Variants in TATDN3 observed in about 807,000 individuals in gnomAD.
The protein encoded by TATDN3 is TatD DNase domain containing 3.
In TATDN3, 29 loss-of-function variants were observed where a neutral mutation model predicts 40.1. The observed-to-expected ratio is 0.72, with a 90% CI of 0.54 to 0.99. TATDN3 has a LOEUF of 0.99. TATDN3 is among the 50% of genes least tolerant of loss of function. TATDN3 has a pLI of 0.00. For synonymous variants in TATDN3, 105 were observed against 117.0 expected, an observed-to-expected ratio of 0.90 and a Z score of 0.66; for missense variants, 309 against 321.9, an observed-to-expected ratio of 0.96 and a Z score of 0.31.
At chr1:212,806,726 TTC>T (rs1553257489) in intron 7 of TATDN3, among the ~76,000 whole-genome samples, 39 of 73,264 alleles carry the variant, frequency 5.3e-4, no homozygotes, top group Non-Finnish European at 8.8e-4. Flanking sequence ...TAAGAATTTA[TTC>T]TCTCTCTCTC....
intron 2 of TATDN3, among the ~76,000 whole-genome samples, chr1:212,795,885 C>T (rs75366521): frequency 0.023 from 3,465 of 152,212 alleles, 63 homozygotes; most frequent in South Asian, 0.041. Context: ...AGTAACTGGT[C>T]CAAAGACACA....
At chr1:212,814,592 T>C (rs541569058) in intron 9 of TATDN3, among the ~76,000 whole-genome samples, 1 of 152,342 alleles carries the variant, frequency 6.6e-6, no homozygotes, top group African/African-American at 2.4e-5. Context: ...ATAATCTATT[T>C]CATCTTTCCA....
intron 5 of TATDN3, among the ~76,000 whole-genome samples, chr1:212,803,544 A>G (rs1662289070): frequency 6.6e-6 from 1 of 152,116 alleles, no homozygotes; most frequent in Non-Finnish European, 1.5e-5. Flanking sequence ...GACAAAAGAT[A>G]AGAATAACAC....
At chr1:212,802,847 GATTATAA>G in intron 5 of TATDN3, 84 bp downstream of exon 5, 1 of 923,274 alleles carries the variant, frequency 1.1e-6, no homozygotes, top group Non-Finnish European at 1.7e-6. Flanking sequence ...CAGTATTGGT[GATTATAA>G]CTGACTTGTA....
At chr1:212,809,806 C>T (rs1012235513) in intron 8 of TATDN3, among the ~76,000 whole-genome samples, 5 of 152,096 alleles carry the variant, frequency 3.3e-5, no homozygotes, top group African/African-American at 9.7e-5. Context: ...GGCAGTTCAC[C>T]TGAGGTTAGG....
rs1662625204 is a variant in TATDN3 at position 212,807,720 on chromosome 1, CT to C, written c.488-13del. On this transcript the variant is annotated splice_polypyrimidine_tract_variant and intron_variant, in intron 7 of 9. Coordinates refer to ENST00000366974, the MANE Select transcript of TATDN3 (RefSeq NM_001042552.3). ...GACATAAAATGGAATACTGCCTTAT[CT>C]TTCATTTTTGAAAGGTGCTGAGAAG... 6.3e-7 allele frequency: 1 copy of C among 1,578,418 alleles called. No individual in the cohort carries two copies. The highest frequency in any genetic ancestry group is 1.4e-5 in the African/African-American group (1 of 73,024).
chr1:212,814,646 G>A (rs933802468), intron 9 of TATDN3, among the ~76,000 whole-genome samples: 1 of 152,188 alleles, frequency 6.6e-6, no homozygotes, highest in Admixed American at 6.5e-5. Context: ...TGTAGCCTGT[G>A]AGGTAGGCGG....
chr1:212,813,080 A>G (rs1662985740), intron 9 of TATDN3, among the ~76,000 whole-genome samples: 2 of 152,196 alleles, frequency 1.3e-5, no homozygotes, highest in Admixed American at 1.3e-4. Flanking sequence ...AGTATCTGGT[A>G]TACAGTAGGT....
chr1:212,812,069 G>A (rs1427212609), intron 8 of TATDN3, among the ~76,000 whole-genome samples, 179 bp from the exon 9 acceptor site: 1 of 151,768 alleles, frequency 6.6e-6, no homozygotes, highest in Non-Finnish European at 1.5e-5. Context: ...TCCTGACCTC[G>A]TGATCCACCC....
In TATDN3 at chr1:212,794,436, C is replaced by T. The variant is rs1247472486; in HGVS notation, c.67-659C>T. On this transcript the variant is annotated intron_variant, in intron 1 of 9. Coordinates refer to ENST00000366974, the MANE Select transcript of TATDN3 (RefSeq NM_001042552.3). ...TGAAACACCATCTCTACTAAAAATA[C>T]AAAATTTAGCTGAGTGTGGTGGCGG... 2.0e-5 allele frequency among the ~76,000 whole-genome samples: 3 copies of T among 151,934 alleles called. No homozygotes were observed. The East Asian group carries it at 5.8e-4, about 29-fold the overall frequency.
intron 9 of TATDN3, among the ~76,000 whole-genome samples, chr1:212,812,551 A>C (rs933521215): frequency 2.0e-5 from 3 of 152,362 alleles, no homozygotes; most frequent in African/African-American, 7.2e-5. Flanking sequence ...TGTAATAATA[A>C]GAGTCAGACC....
In TATDN3 at chr1:212,807,847, A is replaced by G. The variant is rs769187505; in HGVS notation, c.599A>G (p.Gln200Arg). The change falls in exon 8 of 10, where the codon CAG becomes CGG. Residue 200 changes from glutamine to arginine, a missense_variant and splice_region_variant. Gln to Arg is a conservative substitution (Grantham distance 43). Coordinates refer to ENST00000366974, the MANE Select transcript of TATDN3 (RefSeq NM_001042552.3). ...SIPPSIIRSGQKQKLVKQLPL... is the reference protein window; with the variant it reads ...SIPPSIIRSGRKQKLVKQLPL... Reference sequence around the variant, plus strand: ...CCCCCTTCTATCATAAGAAGTGGACAGGTAAATTTTTTCATTGAAACTCAT... The same window carrying G: ...CCCCCTTCTATCATAAGAAGTGGACGGGTAAATTTTTTCATTGAAACTCAT... 35 of 1,597,532 alleles carry G rather than the reference A, an allele frequency of 2.2e-5. No individual in the cohort carries two copies. The Admixed American group carries it at 6.2e-4, about 28-fold the overall frequency.
At chr1:212,797,611 G>A (rs1222950490) in intron 4 of TATDN3, 1 of 154,094 alleles carries the variant, frequency 6.5e-6, no homozygotes, top group Non-Finnish European at 1.4e-5. Flanking sequence ...TAATTGTGAT[G>A]ATCTGTTAGA....
At chr1:212,811,477 TG>T (rs200525812) in intron 8 of TATDN3, among the ~76,000 whole-genome samples, 3,457 of 152,016 alleles carry the variant, frequency 0.023, 63 homozygotes, top group South Asian at 0.041. Flanking sequence ...TTGCCCAGGC[TG>T]GTCTCGAACT....
At chr1:212,794,829 C>A in intron 1 of TATDN3, 1 of 591,578 alleles carries the variant, frequency 1.7e-6, no homozygotes, top group South Asian at 1.5e-5. Flanking sequence ...CCGAATGCTG[C>A]TGAGGAGTAG....
intron 7 of TATDN3, 146 bp downstream of exon 7, chr1:212,804,797 A>G (rs1205858277): frequency 6.0e-6 from 4 of 668,570 alleles, no homozygotes; most frequent in African/African-American, 5.5e-5. Flanking sequence ...ATGATGTTGC[A>G]GGTCAGGCTA....
At chr1:212,802,141 C>T (rs1662211816) in intron 4 of TATDN3, among the ~76,000 whole-genome samples, 1 of 152,166 alleles carries the variant, frequency 6.6e-6, no homozygotes, top group South Asian at 2.1e-4. Flanking sequence ...ACTAATGGTA[C>T]ACAGCTACTT....
At chr1:212,809,876 T>C (rs889949899) in intron 8 of TATDN3, among the ~76,000 whole-genome samples, 4 of 151,356 alleles carry the variant, frequency 2.6e-5, no homozygotes, top group African/African-American at 9.7e-5. Context: ...ATACAAAAAT[T>C]AGCTGGGTGT....
At chr1:212,794,020 C>G (rs908507700) in intron 1 of TATDN3, among the ~76,000 whole-genome samples, 1 of 152,074 alleles carries the variant, frequency 6.6e-6, no homozygotes, top group Non-Finnish European at 1.5e-5. Flanking sequence ...GTGGCTCATG[C>G]CTGTAATCTC....
Sources: allele counts gnomAD v4.1 joint callset (sites outside exome capture counted in the v4.1 genomes callset), GRCh38; gene constraint gnomAD v4.1.1; transcripts MANE v1.5; gene names NCBI Gene and HGNC (gene_info 2026-07-23, HGNC 2026-07-21).